Variants in CNKSR2 observed in about 807,000 individuals in gnomAD.
CNKSR2 encodes connector enhancer of kinase suppressor of Ras 2.
A neutral mutation model predicts 84.4 loss-of-function variants in CNKSR2; 14 were observed. That is an observed-to-expected ratio of 0.17 (90% CI 0.11 to 0.26). The LOEUF is 0.26. Ranked by LOEUF, CNKSR2 falls within the 10% of genes least tolerant of loss-of-function variation. The pLI, the probability that CNKSR2 is intolerant of heterozygous loss-of-function variation, is 1.00. For synonymous variants in CNKSR2, 275 were observed against 277.9 expected (o/e 0.99, Z 0.10); for missense variants, 485 against 771.2 (o/e 0.63, Z 4.40).
At position 21,386,350 on chromosome X, in the gene CNKSR2, T is replaced by C. The variant is rs1292244837; in HGVS notation, c.64+11389T>C. ...ACATTTATCATAGACCAAATTGTGATATGATAGGAAAGTTTAGTGAATCAC... is the reference window on the plus strand; with the variant it reads ...ACATTTATCATAGACCAAATTGTGACATGATAGGAAAGTTTAGTGAATCAC... On this transcript the variant is annotated intron_variant, in intron 1 of 21. Coordinates refer to ENST00000379510, the MANE Select transcript of CNKSR2 (RefSeq NM_014927.5). 2.7e-5 allele frequency among the ~76,000 whole-genome samples: 3 copies of C among 111,927 alleles called. No individual in the cohort carries two copies. In the East Asian group the frequency reaches 8.4e-4, roughly 31 times the overall value.
At chrX:21,637,962 G>C (rs1187671911) in intron 20 of CNKSR2, among the ~76,000 whole-genome samples, 2 of 111,270 alleles carry the variant, frequency 1.8e-5, no homozygotes, top group Non-Finnish European at 3.8e-5. Context: ...AAGACAAGTA[G>C]TCCTTGGCTT....
chrX:21,515,487 T>C (rs949662846), intron 8 of CNKSR2, among the ~76,000 whole-genome samples: 1 of 111,466 alleles, frequency 9.0e-6, no homozygotes, highest in Admixed American at 9.6e-5. Flanking sequence ...ATGTAACACA[T>C]CCTGGAAAAG....
rs1159723218 is a variant in CNKSR2, at chrX:21,594,831, T to C, written c.1831-143T>C. ...ATTTATGGAGTACAGCAGGTAAGCATTGAATTCTTATCTCTAAAATGTCAA... is the reference window on the plus strand; with the variant it reads ...ATTTATGGAGTACAGCAGGTAAGCACTGAATTCTTATCTCTAAAATGTCAA... On this transcript the variant is annotated intron_variant, in intron 15 of 21. Coordinates refer to ENST00000379510, the MANE Select transcript of CNKSR2 (RefSeq NM_014927.5). 7.3e-6 allele frequency: 3 copies of C among 410,667 alleles called. No homozygotes were observed. The African/African-American group carries it at 7.5e-5, about 10-fold the overall frequency. 33.8% of individuals were successfully genotyped at this position (410,667 alleles called of 1,213,427 possible).
intron 20 of CNKSR2, among the ~76,000 whole-genome samples, chrX:21,618,126 G>A (rs955700365): frequency 9.0e-6 from 1 of 110,797 alleles, no homozygotes; most frequent in Non-Finnish European, 1.9e-5. Flanking sequence ...GCAGAACTTG[G>A]ATATGGGCTT....
At chrX:21,633,448 TTAACA>T (rs2092657112) in intron 20 of CNKSR2, among the ~76,000 whole-genome samples, 1 of 112,698 alleles carries the variant, frequency 8.9e-6, no homozygotes, top group Admixed American at 9.4e-5. Context: ...AACAAATTTA[TTAACA>T]TAAATGAATT....
At chrX:21,651,383 T>A (rs1474015241) in intron 21 of CNKSR2, among the ~76,000 whole-genome samples, 1 of 110,800 alleles carries the variant, frequency 9.0e-6, no homozygotes, top group Admixed American at 9.6e-5. Flanking sequence ...ATTTTAACAG[T>A]CCCCCTCACC....
intron 6 of CNKSR2, among the ~76,000 whole-genome samples, chrX:21,496,831 G>A (rs1230911360): frequency 9.0e-6 from 1 of 111,183 alleles, no homozygotes; most frequent in Non-Finnish European, 1.9e-5. Context: ...TATTTATGAA[G>A]TAAGTATTTT....
intron 13 of CNKSR2, among the ~76,000 whole-genome samples, chrX:21,574,494 G>A (rs766558201): frequency 8.9e-6 from 1 of 111,892 alleles, no homozygotes; most frequent in Non-Finnish European, 1.9e-5. Context: ...AGAAGGGGAA[G>A]CAAATATGTC....
chrX:21,431,369 C>T (rs890556457), intron 2 of CNKSR2, among the ~76,000 whole-genome samples: 4 of 111,077 alleles, frequency 3.6e-5, no homozygotes, highest in Admixed American at 2.9e-4. Context: ...TAGACATATC[C>T]GCTCACAGAT....
At chrX:21,607,259 T>C (rs2092522887) in intron 19 of CNKSR2, among the ~76,000 whole-genome samples, 1 of 112,120 alleles carries the variant, frequency 8.9e-6, no homozygotes, top group South Asian at 3.7e-4. Flanking sequence ...AATGAACTCA[T>C]AAAAATTAAT....
At chrX:21,411,075 G>A (rs1215076881) in intron 1 of CNKSR2, among the ~76,000 whole-genome samples, 1 of 110,956 alleles carries the variant, frequency 9.0e-6, no homozygotes, top group Admixed American at 9.7e-5. Context: ...TTAATAAGAT[G>A]CATATGTCTG....
chrX:21,486,632 A>G lies in CNKSR2; in HGVS notation c.562-3827A>G, dbSNP rs369457279. Among the ~76,000 whole-genome samples, 11 of 112,163 alleles carry G rather than the reference A, an allele frequency of 9.8e-5. No individual in the cohort carries two copies. The South Asian group carries it at 3.3e-3, about 34-fold the overall frequency. The stretch of plus-strand genomic sequence containing the variant: ...AATATGAAGTATTTAGCATTGTGCC[A>G]GACACATGGTAGGTGATCTACAAAT... On this transcript the variant is annotated intron_variant, in intron 5 of 21. Coordinates refer to ENST00000379510, the MANE Select transcript of CNKSR2 (RefSeq NM_014927.5).
chrX:21,480,387 T>C (rs2091305615), intron 5 of CNKSR2, among the ~76,000 whole-genome samples: 1 of 112,338 alleles, frequency 8.9e-6, no homozygotes, highest in Admixed American at 9.4e-5. Context: ...ACTCTTGCTA[T>C]TTGAATATAA....
intron 20 of CNKSR2, among the ~76,000 whole-genome samples, chrX:21,646,428 C>T (rs1010572860): frequency 4.5e-5 from 5 of 111,801 alleles, no homozygotes; most frequent in African/African-American, 1.6e-4. Flanking sequence ...AATCTTCATT[C>T]ATCCTTCTTA....
intron 20 of CNKSR2, among the ~76,000 whole-genome samples, chrX:21,612,503 A>G (rs2092555376): frequency 8.9e-6 from 1 of 112,482 alleles, no homozygotes; most frequent in African/African-American, 3.2e-5. Flanking sequence ...AATAAGTTTA[A>G]TGTCTAGTTC....
chrX:21,435,572 A>G (rs1006904386), intron 3 of CNKSR2, among the ~76,000 whole-genome samples: 1 of 111,655 alleles, frequency 9.0e-6, no homozygotes, highest in African/African-American at 3.2e-5. Flanking sequence ...TCCCAGAGGA[A>G]TAGTCTCAGA....
chrX:21,550,429 G>A (rs1049649047), intron 11 of CNKSR2, among the ~76,000 whole-genome samples: 5 of 112,223 alleles, frequency 4.5e-5, no homozygotes, highest in Non-Finnish European at 9.4e-5. Context: ...AGATGCTGGA[G>A]AGGATGTGGA....
chrX:21,467,782 T>C (rs1477007424), intron 4 of CNKSR2, among the ~76,000 whole-genome samples: 1 of 110,806 alleles, frequency 9.0e-6, no homozygotes, highest in African/African-American at 3.3e-5. Flanking sequence ...AACTTTCTTT[T>C]GCAGGGTCAT....
chrX:21,388,962 G>A (rs866335774), intron 1 of CNKSR2, among the ~76,000 whole-genome samples: 3 of 109,123 alleles, frequency 2.7e-5, no homozygotes, highest in African/African-American at 1.0e-4. Context: ...CCCATGATAC[G>A]ATGTGATATG....
Sources: gnomAD v4.1 joint callset for allele counts (sites outside exome capture counted in the v4.1 genomes callset) on GRCh38, gnomAD v4.1.1 for gene constraint, MANE v1.5 for transcripts, NCBI Gene and HGNC (gene_info 2026-07-23, HGNC 2026-07-21) for gene names.